OPHN1: variants seen among roughly 807,000 people sequenced by gnomAD.
The protein encoded by OPHN1 is oligophrenin-1.
A neutral mutation model predicts 60.7 loss-of-function variants in OPHN1; 11 were observed. That is an observed-to-expected ratio of 0.18 (90% CI 0.11 to 0.30). The LOEUF is 0.30. OPHN1 is among the 10% of genes least tolerant of loss of function. OPHN1 has a pLI of 1.00. For missense variants in OPHN1, 449 were observed against 611.0 expected, an observed-to-expected ratio of 0.73 and a Z score of 2.80; for synonymous variants, 226 against 222.6, an observed-to-expected ratio of 1.02 and a Z score of -0.14.
At position 68,364,002 on chromosome X, in the gene OPHN1, G is replaced by A. The variant is rs903924159; in HGVS notation, c.155-64906C>T. The stretch of plus-strand genomic sequence containing the variant: ...ATGTGTGAACTGAAATACAAGAAGA[G>A]CCCAAAGAATTCTTTGAGCACTAAG... On this transcript the variant is annotated intron_variant, in intron 2 of 24. Coordinates refer to ENST00000355520, the MANE Select transcript of OPHN1 (RefSeq NM_002547.3). Among the ~76,000 whole-genome samples, 5 of 111,866 alleles carry A rather than the reference G, an allele frequency of 4.5e-5. No homozygotes were observed. The East Asian group carries it at 1.4e-3, about 32-fold the overall frequency.
At chrX:68,142,653 T>G (rs961191220) in intron 15 of OPHN1, among the ~76,000 whole-genome samples, 2 of 112,270 alleles carry the variant, frequency 1.8e-5, no homozygotes, top group Non-Finnish European at 3.8e-5. Flanking sequence ...TGACTTAACC[T>G]CTGGGATGTT....
intron 4 of OPHN1, among the ~76,000 whole-genome samples, chrX:68,277,584 G>A (rs768929100): frequency 8.9e-6 from 1 of 112,025 alleles, no homozygotes; most frequent in East Asian, 2.8e-4. Flanking sequence ...AAGGTCAGGG[G>A]TTCGAGACCA....
intron 2 of OPHN1, among the ~76,000 whole-genome samples, chrX:68,402,725 A>G (rs953652964): frequency 3.6e-5 from 4 of 111,737 alleles, no homozygotes; most frequent in Admixed American, 2.9e-4. Flanking sequence ...GTCCTGATAA[A>G]ATCTTCAGAA....
chrX:68,146,958 T>C (rs2077266649), intron 15 of OPHN1, among the ~76,000 whole-genome samples: 1 of 112,017 alleles, frequency 8.9e-6, no homozygotes, highest in Admixed American at 9.5e-5. Flanking sequence ...TACTGTATGA[T>C]TAAAAACAGA....
intron 16 of OPHN1, among the ~76,000 whole-genome samples, chrX:68,118,635 A>T (rs895957708): frequency 8.9e-6 from 1 of 112,032 alleles, no homozygotes; most frequent in African/African-American, 3.2e-5. Context: ...TGTCTTAAGC[A>T]CCTTTTGCAT....
chrX:68,402,095 T>C (rs1363383883), intron 2 of OPHN1, among the ~76,000 whole-genome samples: 2 of 111,491 alleles, frequency 1.8e-5, no homozygotes, highest in Non-Finnish European at 3.8e-5. Flanking sequence ...GAGAAAGGGA[T>C]AGAAGTTGGC....
At chrX:68,169,310 G>C (rs1478327339) in intron 15 of OPHN1, among the ~76,000 whole-genome samples, 2 of 111,478 alleles carry the variant, frequency 1.8e-5, no homozygotes, top group African/African-American at 6.5e-5. Context: ...AACATTCCAT[G>C]CTCATGGGTA....
chrX:68,383,169 A>AAT lies in OPHN1; in HGVS notation c.154+49697_154+49698insAT, dbSNP rs1569298279. Among the ~76,000 whole-genome samples the AAT allele has an allele frequency of 2.7e-5, 3 of 111,249 alleles. No homozygotes were observed. In the Admixed American group the frequency reaches 2.9e-4, roughly 11 times the overall value. On this transcript the variant is annotated intron_variant, in intron 2 of 24. Coordinates refer to ENST00000355520, the MANE Select transcript of OPHN1 (RefSeq NM_002547.3). ...AGACTCCATCTCTACCAAGAAATAA[A>AAT]GAAAAAAAATGCTATTGAATAGGAT... is the stretch of plus-strand genomic sequence containing the variant.
chrX:68,394,795 C>T lies in OPHN1; in HGVS notation c.154+38072G>A, dbSNP rs142456261. Among the ~76,000 whole-genome samples, 439 of 111,082 alleles carry T rather than the reference C, an allele frequency of 4.0e-3. 1 individual carries two copies. The highest frequency in any genetic ancestry group is 0.014 in the African/African-American group (416 of 30,580). On this transcript the variant is annotated intron_variant, in intron 2 of 24. Coordinates refer to ENST00000355520, the MANE Select transcript of OPHN1 (RefSeq NM_002547.3). Reference sequence around the variant, plus strand: ...CCAAGTAGCTGGGACTACAGGCACGCGCTACCACGCCCAGCTAATTTTTGT... The same window carrying T: ...CCAAGTAGCTGGGACTACAGGCACGTGCTACCACGCCCAGCTAATTTTTGT...
intron 19 of OPHN1, among the ~76,000 whole-genome samples, chrX:68,095,953 T>C (rs2077036900): frequency 8.9e-6 from 1 of 111,979 alleles, no homozygotes; most frequent in Non-Finnish European, 1.9e-5. Flanking sequence ...CAATATAAAA[T>C]ATGCTACCAT....
intron 2 of OPHN1, among the ~76,000 whole-genome samples, chrX:68,346,251 A>C (rs959986944): frequency 8.9e-6 from 1 of 112,279 alleles, no homozygotes; most frequent in Non-Finnish European, 1.9e-5. Context: ...TCTCAGATTA[A>C]ATAAAGCAAG....
intron 20 of OPHN1, among the ~76,000 whole-genome samples, chrX:68,068,654 T>C (rs1166487590): frequency 2.7e-5 from 3 of 110,890 alleles, no homozygotes; most frequent in African/African-American, 9.8e-5. Flanking sequence ...GCATTATTTA[T>C]AATAACCAAA....
intron 15 of OPHN1, among the ~76,000 whole-genome samples, chrX:68,125,459 A>C (rs2077166015): frequency 8.9e-6 from 1 of 111,815 alleles, no homozygotes; most frequent in African/African-American, 3.2e-5. Flanking sequence ...ATAAAAAGAG[A>C]GAATATCCCA....
rs934598208 is a variant in OPHN1, at chrX:68,173,641, A to G, written c.1276+19278T>C. On this transcript the variant is annotated intron_variant, in intron 15 of 24. Transcript: ENST00000355520. Reference sequence around the variant, plus strand: ...AATAAAGTTTATAGCTACTTTCCAGAGACAGACTGCAAGACCAAATTAGAA... The same window carrying G: ...AATAAAGTTTATAGCTACTTTCCAGGGACAGACTGCAAGACCAAATTAGAA... 5.4e-5 allele frequency among the ~76,000 whole-genome samples: 6 copies of G among 110,859 alleles called. No individual in the cohort carries two copies. In the East Asian group the frequency reaches 8.5e-4, roughly 16 times the overall value.
chrX:68,136,980 C>G (rs2077223340), intron 15 of OPHN1, among the ~76,000 whole-genome samples: 1 of 111,690 alleles, frequency 9.0e-6, no homozygotes, highest in African/African-American at 3.3e-5. Context: ...GCAGGATGGG[C>G]CAAGATGTTA....
At chrX:68,184,650 G>A (rs1569236321) in intron 15 of OPHN1, among the ~76,000 whole-genome samples, 1 of 110,967 alleles carries the variant, frequency 9.0e-6, no homozygotes, top group African/African-American at 3.3e-5. Flanking sequence ...AGGCTGGAGT[G>A]CAATGGCATG....
chrX:68,111,347 C>T (rs773063950), intron 18 of OPHN1, among the ~76,000 whole-genome samples: 1 of 112,358 alleles, frequency 8.9e-6, no homozygotes, highest in Non-Finnish European at 1.9e-5. Context: ...TGCCTGTCAC[C>T]AGGACTATTC....
intron 15 of OPHN1, among the ~76,000 whole-genome samples, chrX:68,129,411 C>A (rs1021597582): frequency 1.8e-5 from 2 of 111,452 alleles, no homozygotes; most frequent in African/African-American, 3.3e-5. Flanking sequence ...TTCATTGGGT[C>A]CATGATGAGG....
Position 68,308,606 on chromosome X carries a change from GAAAAGAAAAGAAAAGAA to G in OPHN1, c.155-9527_155-9511del, listed in dbSNP as rs2078157711. On this transcript the variant is annotated intron_variant, in intron 2 of 24. Coordinates refer to ENST00000355520, the MANE Select transcript of OPHN1 (RefSeq NM_002547.3). ...GACCCCATCTCACGAAAAGAAAAAA[GAAAAGAAAAGAAAAGAA>G]AAAAGAAAAGAAAATAAATCACTTT... Among the ~76,000 whole-genome samples the G allele has an allele frequency of 3.7e-5, 4 of 108,479 alleles. No homozygotes were observed. In the South Asian group the frequency reaches 1.6e-3, roughly 45 times the overall value. 94.2% of individuals were successfully genotyped at this position (108,479 alleles called of 115,157 possible). A position where few individuals can be genotyped will look rare whatever the true frequency, so the allele number is the denominator to read the frequency against.
Sources: allele counts gnomAD v4.1 joint callset (sites outside exome capture counted in the v4.1 genomes callset), GRCh38; gene constraint gnomAD v4.1.1; transcripts MANE v1.5; gene names NCBI Gene and HGNC (gene_info 2026-07-23, HGNC 2026-07-21).